The following BAIAP3 variants were observed in gnomAD, a reference collection of about 807,000 sequenced individuals.
BAIAP3 encodes the protein BAI1-associated protein 3.
BAIAP3 carries 180 observed loss-of-function variants against 149.7 expected under a neutral mutation model. The observed-to-expected ratio is 1.20, with a 90% CI of 1.07 to 1.36. The LOEUF is 1.36. Among genes scored for constraint, BAIAP3 ranks in the 40% most tolerant of loss-of-function variants. BAIAP3 has a pLI of 0.00. For synonymous variants in BAIAP3, 845 were observed against 670.7 expected (o/e 1.26, Z -4.02); for missense variants, 1,767 against 1,563.4 (o/e 1.13, Z -2.20).
rs771158363 is a variant in BAIAP3 at position 1,349,386 on chromosome 16, T to G, written c.*904T>G. The G allele has an allele frequency of 6.2e-7, 1 of 1,607,056 alleles. No individual in the cohort carries two copies. Among genetic ancestry groups the G allele is most frequent in the East Asian group, 2.2e-5 (1 of 44,868 alleles). On this transcript the variant is annotated 3_prime_UTR_variant, in exon 34 of 34. Coordinates refer to ENST00000426824, the MANE Select transcript of BAIAP3 (RefSeq NM_001199097.2). ...GCCAGGCCCATTTATGTCCCTCATGTCTCTAGATTTTCTCGTCACCCAGCC... is the reference window on the plus strand; with the variant it reads ...GCCAGGCCCATTTATGTCCCTCATGGCTCTAGATTTTCTCGTCACCCAGCC...
chr16:1,340,886 T>C (rs1318366785), intron 5 of BAIAP3, 36 bp from the exon 6 acceptor site: 1 of 1,551,824 alleles, frequency 6.4e-7, no homozygotes, highest in Non-Finnish European at 8.7e-7. Flanking sequence ...GCTTCAGGGG[T>C]TGCCTAGGCC....
intron 1 of BAIAP3, 67 bp from the exon 2 acceptor site, chr16:1,338,473 C>CCCCCGGGGGGGGGGG: frequency 9.2e-7 from 1 of 1,091,540 alleles, no homozygotes; most frequent in Non-Finnish European, 1.2e-6. Context: ...CCCACCCCCC[C>CCCCCGGGGGGGGGGG]GCCTGCTGTG....
chr16:1,346,693 G>T lies in BAIAP3; in HGVS notation c.2642+9G>T. On this transcript the variant is annotated intron_variant, in intron 27 of 33. Coordinates refer to ENST00000426824, the MANE Select transcript of BAIAP3 (RefSeq NM_001199097.2). ...AAGGGGAACCTGAGCAGGTGCGGGC[G>T]GGTGGGGTGGGATGGGCTGGGCTGG... is the stretch of plus-strand genomic sequence containing the variant. 3 of 1,535,334 alleles carry T rather than the reference G, an allele frequency of 2.0e-6. No individual in the cohort carries two copies. The highest frequency in any genetic ancestry group is 8.8e-7 in the Non-Finnish European group (1 of 1,142,670).
At chr16:1,341,768 G>A in intron 8 of BAIAP3, 54 bp from the exon 9 acceptor site, 1 of 1,584,154 alleles carries the variant, frequency 6.3e-7, no homozygotes. Context: ...CCTGACCCCG[G>A]CCTGGGCAGA....
Position 1,341,001 on chromosome 16 carries a change from G to C in BAIAP3, c.468+20G>C. The C allele has an allele frequency of 6.2e-7, 1 of 1,605,636 alleles. No individual in the cohort carries two copies. On this transcript the variant is annotated intron_variant, in intron 6 of 33. Transcript: ENST00000426824. The stretch of plus-strand genomic sequence containing the variant: ...GCCAAGGTGAGGCCGCCACTGCCTG[G>C]GCAGGCACTGACCAGCACGTGCCTG...
intron 1 of BAIAP3, among the ~76,000 whole-genome samples, chr16:1,334,294 C>A (rs1430159904): frequency 6.6e-6 from 1 of 151,496 alleles, no homozygotes; most frequent in Non-Finnish European, 1.5e-5. Flanking sequence ...TGGGCTCTTG[C>A]CTGGGCCGGG....
At chr16:1,345,569 TCCTCAGCAACCCCAGCCTCCCCCGCAA>T in intron 22 of BAIAP3, 151 bp from the exon 23 acceptor site, 1 of 296,186 alleles carries the variant, frequency 3.4e-6, no homozygotes, top group Non-Finnish European at 5.4e-6. Context: ...AACCCCAGCC[TCCTCAGCAACCCCAGCCTCCCCCGCAA>T]CCCCAGCCTC....
intron 15 of BAIAP3, among the ~76,000 whole-genome samples, 175 bp from the exon 16 acceptor site, chr16:1,343,847 G>A (rs2034106042): frequency 6.6e-6 from 1 of 152,046 alleles, no homozygotes; most frequent in Non-Finnish European, 1.5e-5. Flanking sequence ...GGTGGAAACC[G>A]AGGCTGGGAC....
intron 5 of BAIAP3, 147 bp downstream of exon 5, chr16:1,339,750 C>G (rs113792347): frequency 0.36 from 223,978 of 620,868 alleles, 46,174 homozygotes; most frequent in East Asian, 0.76. Context: ...GGTGCACACA[C>G]ACACACGCAC....
chr16:1,348,110 AGGCGTGCCGC>A lies in BAIAP3; in HGVS notation c.3165_3174del (p.Glu1055AspfsTer30). 6.2e-7 allele frequency: 1 copy of A among 1,603,332 alleles called. No homozygotes were observed. Among genetic ancestry groups the A allele is most frequent in the Non-Finnish European group, 8.5e-7 (1 of 1,179,370 alleles). Reference sequence around the variant, plus strand: ...TCTGTCCGCAGTTCCGTGCCTGCCGAGGCGTGCCGCCGCCGCGCGGCCTGTGTGTTGTTCA... The same window carrying A: ...TCTGTCCGCAGTTCCGTGCCTGCCGACGCCGCGCGGCCTGTGTGTTGTTCA... On this transcript the variant is annotated frameshift_variant, in exon 33 of 34. Transcript: ENST00000426824. LOFTEE classifies it high-confidence loss of function.
At chr16:1,336,459 GTCCTCA>G in intron 1 of BAIAP3, 1 of 928,726 alleles carries the variant, frequency 1.1e-6, no homozygotes, top group Non-Finnish European at 1.3e-6. Flanking sequence ...CCTCCTTCCT[GTCCTCA>G]GCTCTAGGGT....
Position 1,339,262 on chromosome 16 carries a change from A to G in BAIAP3, c.300+18A>G, listed in dbSNP as rs2033688121. 6.4e-7 allele frequency: 1 copy of G among 1,554,600 alleles called. No homozygotes were observed. The highest frequency in any genetic ancestry group is 8.7e-7 in the Non-Finnish European group (1 of 1,151,664). On this transcript the variant is annotated intron_variant, in intron 4 of 33. Coordinates refer to ENST00000426824, the MANE Select transcript of BAIAP3 (RefSeq NM_001199097.2). ...CAGAGGAGGTAAAGGTGGGGGTCGG[A>G]ACCAGGGGCAGTCGTCTGCAGCGGC... is the stretch of plus-strand genomic sequence containing the variant.
intron 2 of BAIAP3, 96 bp from the exon 3 acceptor site, chr16:1,338,804 CTG>C: frequency 6.3e-7 from 1 of 1,585,612 alleles, no homozygotes; most frequent in Non-Finnish European, 8.6e-7. Context: ...CTGTGCCACA[CTG>C]TGGATGTCAC....
In BAIAP3 at chr16:1,342,954, C is replaced by T. The variant is rs2034027340; in HGVS notation, c.1203C>T (p.Ala401=). 1 of 1,612,008 alleles carries T rather than the reference C, an allele frequency of 6.2e-7. No homozygotes were observed. Among genetic ancestry groups the T allele is most frequent in the African/African-American group, 1.3e-5 (1 of 74,936 alleles). The change falls in exon 14 of 34, where the codon GCC becomes GCT. Residue 401 remains alanine, a synonymous_variant. Transcript: ENST00000426824. ...SSWRGELSTP[A]ATILCLHGAQ... The stretch of plus-strand genomic sequence containing the variant: ...GGCGAGGAGAGCTCAGCACACCAGC[C>T]GCCACCATCCTCTGCCTGCACGGAG...
rs2034155748 is a variant in BAIAP3 at position 1,344,300 on chromosome 16, ATT to A, written c.1586_1587del (p.Ile529SerfsTer10). On this transcript the variant is annotated frameshift_variant, in exon 17 of 34. Coordinates refer to ENST00000426824, the MANE Select transcript of BAIAP3 (RefSeq NM_001199097.2). LOFTEE classifies it high-confidence loss of function. ...CTTCGAGTCGGAGCTGAACATGGAC[ATT>A]GCTGCGGCCCTGAAGGTGTGTTCCA... ...CPFESELNMD[I>X]AAALKRGNRE... The A allele has an allele frequency of 6.2e-7, 1 of 1,613,678 alleles. No homozygotes were observed. The highest frequency in any genetic ancestry group is 1.3e-5 in the African/African-American group (1 of 74,894).
Position 1,339,541 on chromosome 16 carries a change from G to A in BAIAP3, c.346G>A (p.Ala116Thr), listed in dbSNP as rs763970958. 1.1e-5 allele frequency: 18 copies of A among 1,612,666 alleles called. No individual in the cohort carries two copies. Among genetic ancestry groups the A allele is most frequent in the Non-Finnish European group, 1.4e-5 (16 of 1,179,796 alleles). The part of the protein sequence containing the change: ...EEALYTVLYR[A>T]GTMGPDQVDD... ...GGCCCTGTACACGGTGCTTTACCGC[G>A]CGGGTACCATGGGCCCTGACCAGGT... Residue 116 changes from alanine to threonine, a missense_variant, in exon 5 of 34, where the codon GCG (alanine) becomes ACG (threonine). By Grantham distance (58) the Ala-to-Thr change is moderately conservative. Transcript: ENST00000426824.
Position 1,347,552 on chromosome 16 carries a change from A to C in BAIAP3, c.2831A>C (p.Lys944Thr). 1 of 1,608,600 alleles carries C rather than the reference A, an allele frequency of 6.2e-7. No homozygotes were observed. The highest frequency in any genetic ancestry group is 1.3e-5 in the African/African-American group (1 of 74,934). The change falls in exon 30 of 34, where the codon AAG (lysine) becomes ACG (threonine). Residue 944 changes from lysine to threonine, a missense_variant. Lys to Thr is a moderately conservative substitution (Grantham distance 78). Transcript: ENST00000426824. ...ATGCGCTTCCCCCTGCAGAGGCTGA[A>C]GGAGGAGCTGCGGCTGCACAAATGT... ...SLRDGSYKRL[K>T]EELRLHKCST...
Position 1,343,436 on chromosome 16 carries a change from G to A in BAIAP3, c.1309G>A (p.Asp437Asn). 2 of 1,583,572 alleles carry A rather than the reference G, an allele frequency of 1.3e-6. No individual in the cohort carries two copies. Among genetic ancestry groups the A allele is most frequent in the Non-Finnish European group, 1.7e-6 (2 of 1,166,756 alleles). ...CCGCCACCATCAAACCTGCACGCTG[G>A]ACTACAGCTACCTGCTGGGGCTGCT... is the stretch of plus-strand genomic sequence containing the variant. Reference protein sequence around the residue: ...SSRHHQTCTLDYSYLLGLLED... With the variant: ...SSRHHQTCTLNYSYLLGLLED... The change falls in exon 15 of 34, where the codon GAC (aspartate) becomes AAC (asparagine). Residue 437 changes from aspartate (D) to asparagine (N), a missense_variant. Transcript: ENST00000426824.
rs1214499635 is a variant in BAIAP3 at position 1,340,097 on chromosome 16, CAG to C, written c.408+495_408+496del. The stretch of plus-strand genomic sequence containing the variant: ...CACAGGCTGCAGGTGCACACAGACA[CAG>C]GCACACAGGCTGCAGGTGCACACAG... On this transcript the variant is annotated intron_variant, in intron 5 of 33. Coordinates refer to ENST00000426824, the MANE Select transcript of BAIAP3 (RefSeq NM_001199097.2). Among the ~76,000 whole-genome samples, 22 of 147,428 alleles carry C rather than the reference CAG, an allele frequency of 1.5e-4. 1 individual carries two copies. The highest frequency in any genetic ancestry group is 2.2e-4 in the South Asian group (1 of 4,642).
Sources: gnomAD v4.1 joint callset for allele counts (sites outside exome capture counted in the v4.1 genomes callset) on GRCh38, gnomAD v4.1.1 for gene constraint, MANE v1.5 for transcripts, NCBI Gene and HGNC (gene_info 2026-07-23, HGNC 2026-07-21) for gene names.